Variants in ERBB4 observed in about 807,000 individuals in gnomAD.
ERBB4 encodes erb-b2 receptor tyrosine kinase 4.
A neutral mutation model predicts 158.0 loss-of-function variants in ERBB4; 42 were observed. The ratio of observed to expected loss-of-function variants is 0.27; its 90% CI spans 0.21 to 0.34. The LOEUF (loss-of-function observed/expected upper bound fraction) is 0.34, where lower values mean the gene tolerates loss of function less well. Among genes scored for constraint, ERBB4 ranks in the 10% least tolerant of loss-of-function variants. The probability of loss-of-function intolerance (pLI) is 1.00; values close to 1 mark genes in which losing one functional copy is unlikely to be tolerated. For missense variants in ERBB4, 1,333 were observed against 1,624.1 expected (o/e 0.82, Z 3.08); for synonymous variants, 583 against 558.7 (o/e 1.04, Z -0.61).
At chr2:211,563,217 A>C (rs556963821) in intron 19 of ERBB4, among the ~76,000 whole-genome samples, 9 of 152,326 alleles carry the variant, frequency 5.9e-5, no homozygotes, top group Admixed American at 3.3e-4. Context: ...AAATAGACAT[A>C]ACCATAAAAT....
At chr2:212,375,997 C>T (rs537738522) in intron 1 of ERBB4, among the ~76,000 whole-genome samples, 44 of 152,200 alleles carry the variant, frequency 2.9e-4, no homozygotes, top group South Asian at 1.4e-3. Flanking sequence ...CCATCCACAT[C>T]AATTTGTGAG....
chr2:212,284,387 C>T (rs2085878386), intron 1 of ERBB4, among the ~76,000 whole-genome samples: 1 of 152,104 alleles, frequency 6.6e-6, no homozygotes, highest in African/African-American at 2.4e-5. Flanking sequence ...ATTCTGCCGT[C>T]AGTCCCATTT....
chr2:212,323,641 C>A (rs1008807347), intron 1 of ERBB4, among the ~76,000 whole-genome samples: 2 of 150,350 alleles, frequency 1.3e-5, no homozygotes, highest in African/African-American at 4.9e-5. Context: ...ATACTGCCAG[C>A]ATTCCAAAAA....
chr2:211,935,115 C>A (rs999849851), intron 3 of ERBB4, among the ~76,000 whole-genome samples: 8 of 152,042 alleles, frequency 5.3e-5, no homozygotes, highest in Non-Finnish European at 1.2e-4. Context: ...AGCTTCAAAT[C>A]TGAACTCTAT....
At chr2:211,456,741 A>G (rs959408334) in intron 20 of ERBB4, among the ~76,000 whole-genome samples, 4 of 152,144 alleles carry the variant, frequency 2.6e-5, no homozygotes, top group Non-Finnish European at 4.4e-5. Flanking sequence ...AGGTCATCAG[A>G]TATTAGATTC....
intron 1 of ERBB4, among the ~76,000 whole-genome samples, chr2:212,290,666 G>C: frequency 6.8e-6 from 1 of 147,592 alleles, no homozygotes; most frequent in Non-Finnish European, 1.5e-5. Context: ...TTCTTTTCGT[G>C]TGTGTGTGTG....
At chr2:212,200,212 AC>A (rs1333037397) in intron 1 of ERBB4, among the ~76,000 whole-genome samples, 2 of 152,116 alleles carry the variant, frequency 1.3e-5, no homozygotes, top group African/African-American at 4.8e-5. Context: ...TTGAGGAATG[AC>A]CCTACCTATA....
chr2:212,009,158 C>T (rs1239296865), intron 2 of ERBB4, among the ~76,000 whole-genome samples: 1 of 151,974 alleles, frequency 6.6e-6, no homozygotes, highest in Non-Finnish European at 1.5e-5. Flanking sequence ...TGTCCCCCAA[C>T]CCCCCAAAAA....
At chr2:211,489,349 GTC>G (rs2065281452) in intron 20 of ERBB4, among the ~76,000 whole-genome samples, 1 of 152,022 alleles carries the variant, frequency 6.6e-6, no homozygotes, top group Non-Finnish European at 1.5e-5. Flanking sequence ...TTTGAATCCT[GTC>G]TCTGTTACTT....
chr2:211,524,373 G>A (rs926865831), intron 20 of ERBB4, among the ~76,000 whole-genome samples: 26 of 152,026 alleles, frequency 1.7e-4, no homozygotes, highest in African/African-American at 4.6e-4. Flanking sequence ...CACGCCATGC[G>A]CCCACACTCC....
chr2:212,055,258 C>T (rs919189010), intron 2 of ERBB4, among the ~76,000 whole-genome samples: 4 of 152,200 alleles, frequency 2.6e-5, no homozygotes, highest in Non-Finnish European at 5.9e-5. Context: ...GAAGGGGTGC[C>T]CGCCATTGCT....
At chr2:211,727,291 C>T (rs1385719574) in intron 5 of ERBB4, among the ~76,000 whole-genome samples, 1 of 152,104 alleles carries the variant, frequency 6.6e-6, no homozygotes, top group African/African-American at 2.4e-5. Flanking sequence ...TCCCTATTAA[C>T]AGTGCTCATC....
chr2:212,491,137 A>T (rs974458699), intron 1 of ERBB4, among the ~76,000 whole-genome samples: 2 of 151,616 alleles, frequency 1.3e-5, no homozygotes, highest in South Asian at 4.1e-4. Flanking sequence ...CTGAATGATC[A>T]TAAGTATAAG....
chr2:211,562,150 T>G, intron 19 of ERBB4, 62 bp from the exon 20 acceptor site: 1 of 1,378,268 alleles, frequency 7.3e-7, no homozygotes, highest in Non-Finnish European at 1.0e-6. Context: ...TAGAGTTACT[T>G]GGATTGTACT....
intron 1 of ERBB4, among the ~76,000 whole-genome samples, chr2:212,179,789 T>C (rs1253842544): frequency 6.6e-6 from 1 of 151,590 alleles, no homozygotes; most frequent in Non-Finnish European, 1.5e-5. Context: ...AAACACACTT[T>C]ATGATGAAAT....
At chr2:212,272,186 T>A (rs894499475) in intron 1 of ERBB4, among the ~76,000 whole-genome samples, 2 of 151,750 alleles carry the variant, frequency 1.3e-5, no homozygotes, top group African/African-American at 2.4e-5. Context: ...GCCTGTATAT[T>A]CTAACATACA....
intron 2 of ERBB4, among the ~76,000 whole-genome samples, chr2:212,051,951 A>G (rs2077411214): frequency 6.6e-6 from 1 of 152,130 alleles, no homozygotes; most frequent in African/African-American, 2.4e-5. Context: ...TTGTGGCCTC[A>G]GTTTTTGTGA....
chr2:212,076,078 G>T (rs1274186452), intron 2 of ERBB4, among the ~76,000 whole-genome samples: 1 of 151,744 alleles, frequency 6.6e-6, no homozygotes, highest in South Asian at 2.1e-4. Context: ...GACACCAAAA[G>T]AATGAAAATA....
chr2:211,972,803 T>G (rs1327154035), intron 2 of ERBB4, among the ~76,000 whole-genome samples: 2 of 152,144 alleles, frequency 1.3e-5, no homozygotes, highest in Non-Finnish European at 2.9e-5. Context: ...ATGAAAACCC[T>G]GGAAGACAAC....
Sources: allele counts gnomAD v4.1 joint callset (sites outside exome capture counted in the v4.1 genomes callset), GRCh38; gene constraint gnomAD v4.1.1; transcripts MANE v1.5; gene names NCBI Gene and HGNC (gene_info 2026-07-23, HGNC 2026-07-21).